LSAMP: variants seen among roughly 807,000 people sequenced by gnomAD.
LSAMP encodes the protein limbic system-associated membrane protein.
Under a neutral mutation model 38.6 loss-of-function variants are expected in LSAMP, and 7 were observed. The observed-to-expected ratio is 0.18, with a 90% CI of 0.10 to 0.34. LSAMP has a LOEUF of 0.34. Among genes scored for constraint, LSAMP ranks in the 10% least tolerant of loss-of-function variants. The pLI, the probability that LSAMP is intolerant of heterozygous loss-of-function variation, is 1.00. For synonymous variants in LSAMP, 154 were observed against 166.8 expected, an observed-to-expected ratio of 0.92 and a Z score of 0.59; for missense variants, 313 against 420.0, an observed-to-expected ratio of 0.75 and a Z score of 2.23.
At chr3:116,091,622 C>T (rs1267446260) in intron 1 of LSAMP, among the ~76,000 whole-genome samples, 1 of 152,198 alleles carries the variant, frequency 6.6e-6, no homozygotes, top group East Asian at 1.9e-4. Flanking sequence ...CCGGTCCCTC[C>T]GTTTGGGGTC....
At chr3:115,977,104 T>C (rs2107620418) in intron 3 of LSAMP, among the ~76,000 whole-genome samples, 1 of 152,206 alleles carries the variant, frequency 6.6e-6, no homozygotes, top group South Asian at 2.1e-4. Flanking sequence ...AAAGGAATAC[T>C]ATTTGGCTTG....
At chr3:115,964,359 C>A (rs931543790) in intron 3 of LSAMP, among the ~76,000 whole-genome samples, 4 of 152,076 alleles carry the variant, frequency 2.6e-5, no homozygotes, top group Non-Finnish European at 5.9e-5. Flanking sequence ...TGGTACAGTG[C>A]AGCTGTCACT....
At chr3:116,092,190 T>C in intron 1 of LSAMP, among the ~76,000 whole-genome samples, 1 of 152,210 alleles carries the variant, frequency 6.6e-6, no homozygotes, top group East Asian at 1.9e-4. Flanking sequence ...AAATATTCAT[T>C]AATTATCTAA....
intron 3 of LSAMP, among the ~76,000 whole-genome samples, chr3:115,918,433 T>C (rs950531449): frequency 5.3e-5 from 8 of 152,218 alleles, no homozygotes; most frequent in African/African-American, 1.9e-4. Flanking sequence ...TCTGAAATCA[T>C]GATAACCTCT....
At chr3:116,354,910 G>A (rs1408107068) in intron 1 of LSAMP, among the ~76,000 whole-genome samples, 3 of 151,426 alleles carry the variant, frequency 2.0e-5, no homozygotes, top group African/African-American at 7.3e-5. Context: ...GAGGAAGAGG[G>A]AATTTAGAAG....
At chr3:115,821,106 AT>A (rs1203423704) in intron 6 of LSAMP, among the ~76,000 whole-genome samples, 3 of 151,818 alleles carry the variant, frequency 2.0e-5, no homozygotes, top group East Asian at 3.9e-4. Context: ...ACGTGATGTG[AT>A]TTTTTTCTCT....
intron 3 of LSAMP, among the ~76,000 whole-genome samples, chr3:115,991,737 A>G (rs1181654817): frequency 2.0e-5 from 3 of 152,102 alleles, no homozygotes; most frequent in African/African-American, 7.2e-5. Flanking sequence ...TAAAAGCAGT[A>G]GAAACCCCAA....
chr3:116,177,299 C>T (rs919352403), intron 1 of LSAMP, among the ~76,000 whole-genome samples: 1 of 152,000 alleles, frequency 6.6e-6, no homozygotes, highest in Non-Finnish European at 1.5e-5. Context: ...ATAAGGAATA[C>T]TTGGATCCTA....
intron 3 of LSAMP, among the ~76,000 whole-genome samples, chr3:115,947,375 G>T (rs949132105): frequency 6.6e-6 from 1 of 152,174 alleles, no homozygotes; most frequent in African/African-American, 2.4e-5. Context: ...CAGATGGTAT[G>T]ATGCTGTGCA....
intron 6 of LSAMP, among the ~76,000 whole-genome samples, chr3:115,813,868 G>T (rs952218968): frequency 6.6e-6 from 1 of 152,090 alleles, no homozygotes; most frequent in African/African-American, 2.4e-5. Flanking sequence ...ACACCAGATG[G>T]CCAAGCTCAG....
At chr3:116,142,852 G>T (rs993110468) in intron 1 of LSAMP, among the ~76,000 whole-genome samples, 49 of 151,822 alleles carry the variant, frequency 3.2e-4, no homozygotes, top group African/African-American at 1.1e-3. Flanking sequence ...AGCCCTTTAG[G>T]CTGCTACATT....
At chr3:116,267,611 C>CAAAA (rs59540404) in intron 1 of LSAMP, among the ~76,000 whole-genome samples, 1,852 of 140,060 alleles carry the variant, frequency 0.013, 48 homozygotes, top group African/African-American at 0.045. Context: ...TTTAAGCTGG[C>CAAAA]AAAAAAAAAA....
At chr3:116,001,204 G>A in intron 3 of LSAMP, among the ~76,000 whole-genome samples, 1 of 151,970 alleles carries the variant, frequency 6.6e-6, no homozygotes, top group Non-Finnish European at 1.5e-5. Context: ...AAAAGGAAAA[G>A]AAAAAAACAG....
intron 1 of LSAMP, among the ~76,000 whole-genome samples, chr3:116,231,421 A>G (rs1222455579): frequency 6.6e-6 from 1 of 152,198 alleles, no homozygotes; most frequent in African/African-American, 2.4e-5. Context: ...GAGGGACACA[A>G]CTTCTTTTAA....
chr3:116,208,849 TTTTG>T (rs1472753695), intron 1 of LSAMP, among the ~76,000 whole-genome samples: 4 of 152,178 alleles, frequency 2.6e-5, no homozygotes, highest in African/African-American at 9.6e-5. Context: ...ACTGCTGTCT[TTTTG>T]TTTGTCTGTG....
intron 1 of LSAMP, among the ~76,000 whole-genome samples, chr3:116,170,489 A>G (rs913544879): frequency 6.6e-6 from 1 of 152,194 alleles, no homozygotes; most frequent in Admixed American, 6.5e-5. Context: ...TTATGAGATT[A>G]TGTTTATAAT....
intron 1 of LSAMP, among the ~76,000 whole-genome samples, chr3:116,244,643 G>A (rs1376356351): frequency 6.6e-6 from 1 of 152,194 alleles, no homozygotes. Context: ...AATCCACAGA[G>A]CACTCTCATC....
intron 6 of LSAMP, among the ~76,000 whole-genome samples, chr3:115,824,194 G>A (rs547469405): frequency 1.3e-5 from 2 of 152,294 alleles, no homozygotes; most frequent in South Asian, 4.2e-4. Context: ...GAAAATATGT[G>A]TAAGATTAGA....
intron 1 of LSAMP, among the ~76,000 whole-genome samples, chr3:116,333,262 C>T (rs151256607): frequency 5.9e-5 from 9 of 151,966 alleles, no homozygotes; most frequent in East Asian, 1.9e-4. Context: ...GAAAATAGGC[C>T]GGGTGTGGTG....
Sources: gnomAD v4.1 joint callset for allele counts (sites outside exome capture counted in the v4.1 genomes callset) on GRCh38, gnomAD v4.1.1 for gene constraint, MANE v1.5 for transcripts, NCBI Gene and HGNC (gene_info 2026-07-23, HGNC 2026-07-21) for gene names.